Variants in OSCAR observed in about 807,000 individuals in gnomAD.
OSCAR encodes osteoclast-associated immunoglobulin-like receptor.
OSCAR carries 25 observed loss-of-function variants against 27.3 expected under a neutral mutation model. The observed-to-expected ratio is 0.92, with a 90% CI of 0.67 to 1.28. OSCAR has a LOEUF of 1.28. Ranked by LOEUF, OSCAR falls within the 50% of genes most tolerant of loss-of-function variation. The pLI, the probability that OSCAR is intolerant of heterozygous loss-of-function variation, is 0.00. For missense variants in OSCAR, 354 were observed against 355.1 expected, an observed-to-expected ratio of 1.00 and a Z score of 0.03; for synonymous variants, 158 against 165.7, an observed-to-expected ratio of 0.95 and a Z score of 0.36.
chr19:54,099,059 T>TG (rs34000466), intron 2 of OSCAR, among the ~76,000 whole-genome samples: 76,228 of 149,158 alleles, frequency 0.51, 19,500 homozygotes, highest in African/African-American at 0.55. Flanking sequence ...AAAGAGTTTT[T>TG]TTTGTTTGTT....
intron 2 of OSCAR, among the ~76,000 whole-genome samples, chr19:54,098,952 C>T (rs994764908): frequency 7.9e-5 from 12 of 151,802 alleles, no homozygotes; most frequent in Admixed American, 1.3e-4. Context: ...CACTGCACTC[C>T]GGCCTGGGCG....
At chr19:54,096,267 T>C in intron 3 of OSCAR, 114 bp from the exon 4 acceptor site, 1 of 956,800 alleles carries the variant, frequency 1.0e-6, no homozygotes, top group Non-Finnish European at 1.5e-6. Context: ...TCTCTCTTTC[T>C]GCCTCTCTTT....
intron 3 of OSCAR, among the ~76,000 whole-genome samples, chr19:54,096,415 C>T (rs1332653623): frequency 1.8e-5 from 2 of 108,972 alleles, no homozygotes; most frequent in East Asian, 2.9e-4. Flanking sequence ...TCTCTGCCTC[C>T]CTCTCTCTCT....
chr19:54,095,370 C>T lies in OSCAR; in HGVS notation c.656-13G>A, dbSNP rs1319084671. 1 of 1,550,922 alleles carries T rather than the reference C, an allele frequency of 6.4e-7. No homozygotes were observed. Among genetic ancestry groups the T allele is most frequent in the Non-Finnish European group, 8.7e-7 (1 of 1,147,812 alleles). On this transcript the variant is annotated splice_polypyrimidine_tract_variant and intron_variant, in intron 4 of 4. Coordinates refer to ENST00000358375, the MANE Select transcript of OSCAR (RefSeq NM_133169.6). The stretch of plus-strand genomic sequence containing the variant: ...GAGGAGCCAGAGTCTGCGGGCGGAG[C>T]CGGGAGAGAGGGGCCATCAGCTCCC...
intron 2 of OSCAR, among the ~76,000 whole-genome samples, chr19:54,098,274 C>T (rs2072855528): frequency 6.6e-6 from 1 of 151,996 alleles, no homozygotes; most frequent in Admixed American, 6.6e-5. Context: ...ATTAAGAGTA[C>T]AGGAAGGCTG....
In OSCAR at chr19:54,095,279, G is replaced by A. The variant is rs1600239351; in HGVS notation, c.734C>T (p.Ala245Val). 3.7e-6 allele frequency: 6 copies of A among 1,602,974 alleles called. No individual in the cohort carries two copies. Among genetic ancestry groups the A allele is most frequent in the Non-Finnish European group, 5.1e-6 (6 of 1,175,462 alleles). ...ACTGCGCCAGTCAAAAGTGACCAGC[G>A]CGCCCAGGGAGATGAGGACCAGCCC... ...LAGLVLISLG[A>V]LVTFDWRSQN... Residue 245 changes from alanine to valine, a missense_variant, in exon 5 of 5, where the codon GCG becomes GTG. Coordinates refer to ENST00000358375, the MANE Select transcript of OSCAR (RefSeq NM_133169.6).
rs1219403164 is a variant in OSCAR at position 54,096,786 on chromosome 19, C to T, written c.373+76G>A. ...TGTTTGCCCGCCTCGCTCTGTCTCTCTTTCCCTATATCTCTCTGTCCCTCC... is the reference window on the plus strand; with the variant it reads ...TGTTTGCCCGCCTCGCTCTGTCTCTTTTTCCCTATATCTCTCTGTCCCTCC... On this transcript the variant is annotated intron_variant, in intron 3 of 4. Transcript: ENST00000358375. 3 of 1,493,554 alleles carry T rather than the reference C, an allele frequency of 2.0e-6. No individual in the cohort carries two copies. The African/African-American group carries it at 4.2e-5, about 21-fold the overall frequency. 92.5% of individuals were successfully genotyped at this position (1,493,554 alleles called of 1,614,324 possible).
At chr19:54,099,047 CA>C (rs2072893661) in intron 2 of OSCAR, among the ~76,000 whole-genome samples, 1 of 45,066 alleles carries the variant, frequency 2.2e-5, no homozygotes, top group Non-Finnish European at 3.8e-5. Context: ...GAAATATCTC[CA>C]AAAGAGTTTT....
Position 54,094,912 on chromosome 19 carries a change from A to T in OSCAR, c.*309T>A. On this transcript the variant is annotated 3_prime_UTR_variant, in exon 5 of 5. Coordinates refer to ENST00000358375, the MANE Select transcript of OSCAR (RefSeq NM_133169.6). ...GGTCCCCATTCAACCCAGGAAGTCC[A>T]GCTGGCTTCACGTCTCACTACTACC... is the stretch of plus-strand genomic sequence containing the variant. The T allele has an allele frequency of 3.0e-6, 1 of 338,188 alleles. No homozygotes were observed. 20.9% of individuals were successfully genotyped at this position (338,188 alleles called of 1,614,324 possible).
rs1475100974 is a variant in OSCAR at position 54,096,102 on chromosome 19, G to A, written c.425C>T (p.Pro142Leu). Reference sequence around the variant, plus strand: ...GCAGCGCAGGCTCACGTTGGCGCCAGGACCCACCACCGGCCCGGGCAGCGC... The same window carrying A: ...GCAGCGCAGGCTCACGTTGGCGCCAAGACCCACCACCGGCCCGGGCAGCGC... ...LVALPGPVVG[P>L]GANVSLRCAG... Residue 142 changes from proline to leucine, a missense_variant, in exon 4 of 5, where the codon CCT (proline) becomes CTT (leucine). Physicochemically the swap from Pro to Leu is moderately conservative, Grantham distance 98. Transcript: ENST00000358375. 6.5e-7 allele frequency: 1 copy of A among 1,530,956 alleles called. No individual in the cohort carries two copies. Among genetic ancestry groups the A allele is most frequent in the African/African-American group, 1.4e-5 (1 of 72,250 alleles). 94.8% of individuals were successfully genotyped at this position (1,530,956 alleles called of 1,614,324 possible).
chr19:54,096,806 C>A (rs926986745), intron 3 of OSCAR, 56 bp downstream of exon 3: 1 of 1,558,266 alleles, frequency 6.4e-7, no homozygotes, highest in Non-Finnish European at 8.7e-7. Flanking sequence ...ATCTCTCTGT[C>A]CCTCCCCCAA....
chr19:54,095,371 C>A lies in OSCAR; in HGVS notation c.656-14G>T. 6.4e-7 allele frequency: 1 copy of A among 1,550,548 alleles called. No homozygotes were observed. Among genetic ancestry groups the A allele is most frequent in the African/African-American group, 1.4e-5 (1 of 73,280 alleles). ...AGGAGCCAGAGTCTGCGGGCGGAGC[C>A]GGGAGAGAGGGGCCATCAGCTCCCG... On this transcript the variant is annotated splice_polypyrimidine_tract_variant and intron_variant, in intron 4 of 4. Transcript: ENST00000358375.
intron 3 of OSCAR, among the ~76,000 whole-genome samples, 166 bp from the exon 4 acceptor site, chr19:54,096,319 T>C (rs2072699090): frequency 6.7e-6 from 1 of 149,858 alleles, no homozygotes; most frequent in Non-Finnish European, 1.5e-5. Flanking sequence ...TCTCTCTGCC[T>C]CCCTCTCTCT....
intron 1 of OSCAR, among the ~76,000 whole-genome samples, 182 bp downstream of exon 1, chr19:54,100,574 T>A (rs888726873): frequency 1.7e-4 from 26 of 152,180 alleles, no homozygotes; most frequent in African/African-American, 6.3e-4. Context: ...CCTTCCTCTT[T>A]CGGGAATCTG....
chr19:54,095,104 C>T lies in OSCAR; in HGVS notation c.*117G>A, dbSNP rs2072557936. ...ACAGGGCACAGCGGGGTCTAAGGAC[C>T]GTTCCGCGGAGCTCAGCCAGCAGGA... On this transcript the variant is annotated 3_prime_UTR_variant, in exon 5 of 5. Transcript: ENST00000358375. The T allele has an allele frequency of 4.2e-6, 6 of 1,445,742 alleles. No individual in the cohort carries two copies. Among genetic ancestry groups the T allele is most frequent in the Non-Finnish European group, 5.5e-6 (6 of 1,089,692 alleles). 89.6% of individuals were successfully genotyped at this position (1,445,742 alleles called of 1,614,324 possible).
chr19:54,095,017 A>T lies in OSCAR; in HGVS notation c.*204T>A. 1 of 801,986 alleles carries T rather than the reference A, an allele frequency of 1.2e-6. No homozygotes were observed. The highest frequency in any genetic ancestry group is 1.8e-6 in the Non-Finnish European group (1 of 558,758). The allele number at this position is 801,986 out of a possible 1,614,324, so 49.7% of individuals were successfully genotyped here. A position where few individuals can be genotyped will look rare whatever the true frequency, so the allele number is the denominator to read the frequency against. ...CTCTGTCTTCTGGCTTGGAAGTCTT[A>T]ACCACTAATCGCGTCTTCCTTTCAG... On this transcript the variant is annotated 3_prime_UTR_variant, in exon 5 of 5. Transcript: ENST00000358375.
In OSCAR at chr19:54,097,049, A is replaced by C. The variant is rs2072779491; in HGVS notation, c.186T>G (p.Phe62Leu). Residue 62 changes from phenylalanine to leucine, a missense_variant, in exon 3 of 5, where the codon TTT (phenylalanine) becomes TTG (leucine). Transcript: ENST00000358375. ...CGATCTCTCCAGGCTTGAAAAGTCCAAATCTCCAAGCGGGTTGGGGTGCCC... is the reference window on the plus strand; with the variant it reads ...CGATCTCTCCAGGCTTGAAAAGTCCCAATCTCCAAGCGGGTTGGGGTGCCC... ...RCRAPQPAWR[F>L]GLFKPGEIAP... 9 of 1,614,160 alleles carry C rather than the reference A, an allele frequency of 5.6e-6. No individual in the cohort carries two copies. Among genetic ancestry groups the C allele is most frequent in the Non-Finnish European group, 7.6e-6 (9 of 1,180,024 alleles).
chr19:54,099,802 G>A (rs759729083), intron 1 of OSCAR, 22 bp from the exon 2 acceptor site: 7 of 1,591,606 alleles, frequency 4.4e-6, no homozygotes, highest in South Asian at 2.3e-5. Context: ...TGAGGGACTA[G>A]TTTCTTTTTC....
intron 2 of OSCAR, among the ~76,000 whole-genome samples, chr19:54,099,126 G>A (rs1330712504): frequency 6.6e-6 from 1 of 150,404 alleles, no homozygotes; most frequent in Non-Finnish European, 1.5e-5. Context: ...GCAGTGGCGC[G>A]ATCTCAGCTT....
Sources: gnomAD v4.1 joint callset for allele counts (sites outside exome capture counted in the v4.1 genomes callset) on GRCh38, gnomAD v4.1.1 for gene constraint, MANE v1.5 for transcripts, NCBI Gene and HGNC (gene_info 2026-07-23, HGNC 2026-07-21) for gene names.